The following RBM23 variants were observed in gnomAD, a reference collection of about 807,000 sequenced individuals.
The protein encoded by RBM23 is RNA binding motif protein 23, also known as probable RNA-binding protein 23.
RBM23 carries 53 observed loss-of-function variants against 56.2 expected under a neutral mutation model. The observed-to-expected ratio is 0.94, with a 90% CI of 0.76 to 1.19. The LOEUF (loss-of-function observed/expected upper bound fraction) is 1.19, where lower values mean the gene tolerates loss of function less well. Ranked by LOEUF, RBM23 falls within the 50% of genes most tolerant of loss-of-function variation. The probability of loss-of-function intolerance (pLI) is 0.00; values close to 1 mark genes in which losing one functional copy is unlikely to be tolerated. For synonymous variants in RBM23, 197 were observed against 198.5 expected, an observed-to-expected ratio of 0.99 and a Z score of 0.06; for missense variants, 642 against 590.3, an observed-to-expected ratio of 1.09 and a Z score of -0.91.
chr14:22,902,640 T>C (rs567984813), intron 10 of RBM23: 48 of 1,203,272 alleles, frequency 4.0e-5, no homozygotes, highest in Non-Finnish European at 4.1e-5. Flanking sequence ...AATTTTATTA[T>C]TGTAGGAAAC....
At chr14:22,917,906 C>A (rs144026167) in intron 1 of RBM23, 12 of 152,378 alleles carry the variant, frequency 7.9e-5, no homozygotes, top group African/African-American at 2.6e-4. Context: ...GCAGAGAGAA[C>A]CACTGTCAGA....
In RBM23 at chr14:22,902,118, G is replaced by A; in HGVS notation, c.1127-19C>T. The A allele has an allele frequency of 1.2e-6, 2 of 1,604,984 alleles. No individual in the cohort carries two copies. The highest frequency in any genetic ancestry group is 2.2e-5 in the East Asian group (1 of 44,660). ...CCAGCGCCTAAAAGGAAAAGAAAAG[G>A]TGGGATTAAGCCCCAACCCTTCATC... is the stretch of plus-strand genomic sequence containing the variant. On this transcript the variant is annotated intron_variant, in intron 11 of 13. Coordinates refer to ENST00000359890, the MANE Select transcript of RBM23 (RefSeq NM_001077351.2).
At chr14:22,907,507 C>A (rs1396134557) in intron 4 of RBM23, among the ~76,000 whole-genome samples, 1 of 152,126 alleles carries the variant, frequency 6.6e-6, no homozygotes, top group African/African-American at 2.4e-5. Context: ...AACTCAAGTA[C>A]ACTGATTTGA....
chr14:22,895,773 TCAAAA>T lies in RBM23; in HGVS notation c.*5952_*5956del, dbSNP rs1401888631. The stretch of plus-strand genomic sequence containing the variant: ...ATGGGCAACAGAGCCAGACCCTGTC[TCAAAA>T]CAAAACAAAACTGAGTGCCCTGGTA... On this transcript the variant is annotated 3_prime_UTR_variant, in exon 14 of 14. Transcript: ENST00000359890. 1 of 152,336 alleles carries T rather than the reference TCAAAA, an allele frequency of 6.6e-6. No homozygotes were observed. The highest frequency in any genetic ancestry group is 1.5e-5 in the Non-Finnish European group (1 of 68,166). The allele number at this position is 152,336 out of a possible 1,614,324, so 9.4% of individuals were successfully genotyped here. A position where few individuals can be genotyped will look rare whatever the true frequency, so the allele number is the denominator to read the frequency against.
Position 22,901,489 on chromosome 14 carries a change from C to T in RBM23, c.*241G>A, listed in dbSNP as rs2040481465. The T allele has an allele frequency of 3.3e-6, 2 of 601,366 alleles. No homozygotes were observed. Among genetic ancestry groups the T allele is most frequent in the Non-Finnish European group, 6.0e-6 (2 of 334,732 alleles). 37.3% of individuals were successfully genotyped at this position (601,366 alleles called of 1,614,324 possible). A position where few individuals can be genotyped will look rare whatever the true frequency, so the allele number is the denominator to read the frequency against. The stretch of plus-strand genomic sequence containing the variant: ...CGATACACATGGAGAAACAGGTATT[C>T]AATGCAGGTGTGGATTCTGTTCTCT... On this transcript the variant is annotated 3_prime_UTR_variant, in exon 14 of 14. Coordinates refer to ENST00000359890, the MANE Select transcript of RBM23 (RefSeq NM_001077351.2).
At chr14:22,908,610 T>C (rs1022370240) in intron 3 of RBM23, 30 of 419,274 alleles carry the variant, frequency 7.2e-5, no homozygotes, top group African/African-American at 4.6e-4. Flanking sequence ...GCCAGGTTCA[T>C]CTTGAACCCC....
intron 1 of RBM23, among the ~76,000 whole-genome samples, chr14:22,918,464 G>C (rs1255925575): frequency 1.3e-5 from 2 of 152,106 alleles, no homozygotes; most frequent in African/African-American, 4.8e-5. Context: ...GTGTCCCAGG[G>C]CTCAATCTTC....
chr14:22,901,142 T>C lies in RBM23; in HGVS notation c.*588A>G, dbSNP rs1788440167. On this transcript the variant is annotated 3_prime_UTR_variant, in exon 14 of 14. Transcript: ENST00000359890. ...AGGCCTCCTGGCAGGATAGATCACTTCCATGCCTCCTAGCAAGATGCTGAG... is the reference window on the plus strand; with the variant it reads ...AGGCCTCCTGGCAGGATAGATCACTCCCATGCCTCCTAGCAAGATGCTGAG... 6.4e-6 allele frequency: 1 copy of C among 156,720 alleles called. No individual in the cohort carries two copies. The highest frequency in any genetic ancestry group is 1.4e-5 in the Non-Finnish European group (1 of 70,996). 9.7% of individuals were successfully genotyped at this position (156,720 alleles called of 1,614,324 possible). A position where few individuals can be genotyped will look rare whatever the true frequency, so the allele number is the denominator to read the frequency against.
At chr14:22,901,953 C>G in intron 12 of RBM23, 27 bp downstream of exon 12, 1 of 1,611,280 alleles carries the variant, frequency 6.2e-7, no homozygotes, top group Non-Finnish European at 8.5e-7. Flanking sequence ...CCCAAACCTT[C>G]CCTTCCTTTC....
At chr14:22,918,586 G>A (rs181119956) in intron 1 of RBM23, among the ~76,000 whole-genome samples, 9 of 152,300 alleles carry the variant, frequency 5.9e-5, no homozygotes, top group Admixed American at 5.9e-4. Flanking sequence ...TAGAGATTGA[G>A]GAAGAAAGCT....
chr14:22,905,584 A>G, intron 6 of RBM23, 22 bp downstream of exon 6: 2 of 1,607,570 alleles, frequency 1.2e-6, no homozygotes, highest in Non-Finnish European at 1.7e-6. Flanking sequence ...AATCCCTAAA[A>G]CAGTGTTCAT....
intron 1 of RBM23, chr14:22,917,428 C>T (rs2043718619): frequency 6.6e-6 from 1 of 152,156 alleles, no homozygotes; most frequent in African/African-American, 2.4e-5. Context: ...CAAATATATC[C>T]GTTTAAGCAA....
chr14:22,903,094 A>G lies in RBM23; in HGVS notation c.931-712T>C, dbSNP rs986783183. 3.7e-5 allele frequency: 36 copies of G among 985,250 alleles called. No homozygotes were observed. In the African/African-American group the frequency reaches 5.9e-4, roughly 16 times the overall value. The allele number at this position is 985,250 out of a possible 1,614,324, so 61.0% of individuals were successfully genotyped here. A position where few individuals can be genotyped will look rare whatever the true frequency, so the allele number is the denominator to read the frequency against. Reference sequence around the variant, plus strand: ...ACCGCGCCTGGCCAAATTTTAGTTAAGTACTAGGAATCTGGAACTCCTAAT... The same window carrying G: ...ACCGCGCCTGGCCAAATTTTAGTTAGGTACTAGGAATCTGGAACTCCTAAT... On this transcript the variant is annotated intron_variant, in intron 10 of 13. Coordinates refer to ENST00000359890, the MANE Select transcript of RBM23 (RefSeq NM_001077351.2).
chr14:22,902,756 C>CCTTTTTTTTTTTTTTTTTTTTTTT lies in RBM23; in HGVS notation c.931-375_931-374insAAAAAAAAAAAAAAAAAAAAAAAG, dbSNP rs1555336814. ...GTTCTCTATCCTAGTAAGTTTTAGT[C>CCTTTTTTTTTTTTTTTTTTTTTTT]TTTTTTTTTTTTTTTTTTTTTTTTT... On this transcript the variant is annotated intron_variant, in intron 10 of 13. Transcript: ENST00000359890. 8 of 432,480 alleles carry CCTTTTTTTTTTTTTTTTTTTTTTT rather than the reference C, an allele frequency of 1.8e-5. 4 individuals are homozygous for CCTTTTTTTTTTTTTTTTTTTTTTT. The highest frequency in any genetic ancestry group is 5.5e-6 in the Non-Finnish European group (2 of 366,356). 26.8% of individuals were successfully genotyped at this position (432,480 alleles called of 1,614,324 possible).
intron 1 of RBM23, among the ~76,000 whole-genome samples, chr14:22,918,160 C>T (rs1228345891): frequency 1.3e-5 from 2 of 151,984 alleles, no homozygotes; most frequent in African/African-American, 4.8e-5. Context: ...TTTGGGAGGC[C>T]GAGGCGGGTG....
At chr14:22,917,257 A>G (rs1473148723) in intron 1 of RBM23, 1 of 152,150 alleles carries the variant, frequency 6.6e-6, no homozygotes, top group African/African-American at 2.4e-5. Flanking sequence ...ATTTTTTACA[A>G]TCTGCTTTTT....
chr14:22,907,329 C>A (rs574228733), intron 4 of RBM23, among the ~76,000 whole-genome samples: 1 of 151,644 alleles, frequency 6.6e-6, no homozygotes, highest in African/African-American at 2.4e-5. Flanking sequence ...GCAACAAAAG[C>A]GAAACTCGGT....
At position 22,896,919 on chromosome 14, in the gene RBM23, C is replaced by T. The variant is rs1309380605; in HGVS notation, c.*4811G>A. ...ATATGCAGCTTCTCAGACCGGAATT[C>T]CTTTCCTGCATCCAGCTCGTGACTA... On this transcript the variant is annotated 3_prime_UTR_variant, in exon 14 of 14. Transcript: ENST00000359890. The T allele has an allele frequency of 3.3e-5, 5 of 152,238 alleles. No homozygotes were observed. Among genetic ancestry groups the T allele is most frequent in the Non-Finnish European group, 7.3e-5 (5 of 68,042 alleles). The allele number at this position is 152,238 out of a possible 1,614,324, so 9.4% of individuals were successfully genotyped here.
At chr14:22,909,105 G>C (rs1331247742) in intron 3 of RBM23, among the ~76,000 whole-genome samples, 1 of 152,082 alleles carries the variant, frequency 6.6e-6, no homozygotes, top group African/African-American at 2.4e-5. Flanking sequence ...ACCGCGCCCA[G>C]CTAATTTTTG....
Sources: allele counts gnomAD v4.1 joint callset (sites outside exome capture counted in the v4.1 genomes callset), GRCh38; gene constraint gnomAD v4.1.1; transcripts MANE v1.5; gene names NCBI Gene and HGNC (gene_info 2026-07-23, HGNC 2026-07-21).